Variants in FMN1 observed in about 807,000 individuals in gnomAD.
The protein encoded by FMN1 is formin-1.
FMN1 carries 110 observed loss-of-function variants against 132.4 expected under a neutral mutation model. The observed-to-expected ratio is 0.83, with a 90% CI of 0.71 to 0.97. The LOEUF (loss-of-function observed/expected upper bound fraction) is 0.97, where lower values mean the gene tolerates loss of function less well. Ranked by LOEUF, FMN1 falls within the 50% of genes least tolerant of loss-of-function variation. FMN1 has a pLI of 0.00. For synonymous variants in FMN1, 722 were observed against 651.7 expected, an observed-to-expected ratio of 1.11 and a Z score of -1.64; for missense variants, 1,792 against 1,705.3, an observed-to-expected ratio of 1.05 and a Z score of -0.90.
chr15:32,967,616 T>C (rs545106872), intron 8 of FMN1, among the ~76,000 whole-genome samples: 3 of 152,316 alleles, frequency 2.0e-5, no homozygotes, highest in South Asian at 2.1e-4. Context: ...CAAAGTATAA[T>C]TGAATTTTGT....
intron 4 of FMN1, among the ~76,000 whole-genome samples, chr15:33,097,107 G>A (rs1238610849): frequency 6.6e-6 from 1 of 151,894 alleles, no homozygotes; most frequent in Non-Finnish European, 1.5e-5. Flanking sequence ...CAGCCTTGGT[G>A]ACATGGCAAA....
chr15:32,993,006 G>C (rs1226563732), intron 7 of FMN1, among the ~76,000 whole-genome samples: 2 of 152,122 alleles, frequency 1.3e-5, no homozygotes, highest in African/African-American at 4.8e-5. Context: ...AGGACATAAG[G>C]GTCATGTGAT....
intron 4 of FMN1, among the ~76,000 whole-genome samples, chr15:33,128,772 G>T (rs931939582): frequency 1.3e-5 from 2 of 152,222 alleles, no homozygotes; most frequent in African/African-American, 4.8e-5. Flanking sequence ...AAAGTGGTAT[G>T]GACCCAAACG....
chr15:33,030,353 T>C (rs935242489), intron 6 of FMN1, among the ~76,000 whole-genome samples: 5 of 152,146 alleles, frequency 3.3e-5, no homozygotes, highest in African/African-American at 1.2e-4. Flanking sequence ...AAGAGATGAA[T>C]GTGACCGGAA....
intron 7 of FMN1, among the ~76,000 whole-genome samples, chr15:33,003,809 G>A (rs2034254256): frequency 1.3e-5 from 2 of 152,318 alleles, no homozygotes; most frequent in Non-Finnish European, 2.9e-5. Flanking sequence ...CAAGGCTACA[G>A]TAACCAAAAC....
intron 6 of FMN1, among the ~76,000 whole-genome samples, chr15:33,049,913 C>G (rs940320974): frequency 6.6e-6 from 1 of 152,210 alleles, no homozygotes; most frequent in Non-Finnish European, 1.5e-5. Flanking sequence ...AGGGGCTGCT[C>G]AATTCACGAA....
At chr15:33,019,409 G>A (rs891856322) in intron 6 of FMN1, among the ~76,000 whole-genome samples, 1 of 152,200 alleles carries the variant, frequency 6.6e-6, no homozygotes, top group Non-Finnish European at 1.5e-5. Flanking sequence ...AGACTCAGGA[G>A]CCCAGCTGGC....
intron 4 of FMN1, among the ~76,000 whole-genome samples, chr15:33,090,192 C>T (rs2038854677): frequency 6.6e-6 from 1 of 152,258 alleles, no homozygotes; most frequent in African/African-American, 2.4e-5. Context: ...ATAGAGATCA[C>T]TGTTGAATAT....
chr15:33,117,224 T>C (rs1314917265), intron 4 of FMN1, among the ~76,000 whole-genome samples: 1 of 151,996 alleles, frequency 6.6e-6, no homozygotes, highest in Non-Finnish European at 1.5e-5. Context: ...AGAAAACAAA[T>C]CCAGGGTGCC....
At chr15:32,899,888 A>C in intron 14 of FMN1, 91 bp downstream of exon 14, 33 of 1,315,562 alleles carry the variant, frequency 2.5e-5, no homozygotes, top group Non-Finnish European at 3.5e-5. Flanking sequence ...GATAGAGATA[A>C]ATGGAACAAT....
intron 4 of FMN1, among the ~76,000 whole-genome samples, chr15:33,098,265 A>G (rs971152703): frequency 5.9e-5 from 9 of 152,170 alleles, no homozygotes; most frequent in Non-Finnish European, 7.4e-5. Context: ...TCCTCCCCCA[A>G]TAGGGCTGAT....
chr15:32,825,079 G>A (rs921511), intron 17 of FMN1, among the ~76,000 whole-genome samples: 56,780 of 151,932 alleles, frequency 0.37, 11,696 homozygotes, highest in East Asian at 0.84. Context: ...TTTCTACTTC[G>A]AAAACATAGT....
intron 19 of FMN1, among the ~76,000 whole-genome samples, chr15:32,781,154 T>C (rs561025845): frequency 6.6e-6 from 1 of 152,236 alleles, no homozygotes; most frequent in African/African-American, 2.4e-5. Flanking sequence ...TGCTATCTTT[T>C]ATATTTTTAT....
intron 4 of FMN1, among the ~76,000 whole-genome samples, chr15:33,143,888 T>C (rs1239594094): frequency 6.6e-6 from 1 of 152,232 alleles, no homozygotes; most frequent in Non-Finnish European, 1.5e-5. Context: ...TTAAGTTCTT[T>C]ATCACAGAAG....
At chr15:32,807,711 G>C (rs554100865) in intron 17 of FMN1, among the ~76,000 whole-genome samples, 4 of 152,194 alleles carry the variant, frequency 2.6e-5, no homozygotes, top group Admixed American at 6.5e-5. Context: ...TGAATATGGT[G>C]ATTTGGAGAA....
Position 33,054,389 on chromosome 15 carries a change from T to C in FMN1, c.2161+10568A>G, listed in dbSNP as rs560038889. Among the ~76,000 whole-genome samples, 67 of 152,312 alleles carry C rather than the reference T, an allele frequency of 4.4e-4. 1 individual carries two copies. The highest frequency in any genetic ancestry group is 3.3e-3 in the South Asian group (16 of 4,822). ...GATTTTTTTCATCTAAATATTCTTA[T>C]ATTTATTAAGTCCTCAACTATGACT... On this transcript the variant is annotated intron_variant, in intron 6 of 20. Transcript: ENST00000616417.
intron 5 of FMN1, chr15:33,067,307 G>T (rs1389644939): frequency 8.7e-6 from 14 of 1,613,750 alleles, no homozygotes; most frequent in Non-Finnish European, 1.2e-5. Flanking sequence ...CATTTCCCCA[G>T]TGACAGTATT....
At chr15:33,071,257 G>A (rs1198566006) in intron 5 of FMN1, among the ~76,000 whole-genome samples, 1 of 152,132 alleles carries the variant, frequency 6.6e-6, no homozygotes, top group African/African-American at 2.4e-5. Context: ...GGAAAAAATG[G>A]AGAGAGAGGA....
In FMN1 at chr15:33,169,701, G is replaced by A. The variant is rs534843746; in HGVS notation, c.-132+10497C>T. On this transcript the variant is annotated intron_variant, in intron 3 of 20. Coordinates refer to ENST00000616417, the MANE Select transcript of FMN1 (RefSeq NM_001277313.2). ...GTAATGAGAAGGCGCTGGGCCCGGAGATCCAGCTTTTTATAAAAAGCCTTT... is the reference window on the plus strand; with the variant it reads ...GTAATGAGAAGGCGCTGGGCCCGGAAATCCAGCTTTTTATAAAAAGCCTTT... Among the ~76,000 whole-genome samples, 10 of 146,872 alleles carry A rather than the reference G, an allele frequency of 6.8e-5. No individual in the cohort carries two copies. The East Asian group carries it at 2.0e-3, about 29-fold the overall frequency.
Sources: gnomAD v4.1 joint callset for allele counts (sites outside exome capture counted in the v4.1 genomes callset) on GRCh38, gnomAD v4.1.1 for gene constraint, MANE v1.5 for transcripts, NCBI Gene and HGNC (gene_info 2026-07-23, HGNC 2026-07-21) for gene names.